The following OSBPL3 variants were observed in gnomAD, a reference collection of about 807,000 sequenced individuals.
OSBPL3 encodes the protein oxysterol-binding protein-related protein 3.
OSBPL3 carries 65 observed loss-of-function variants against 120.1 expected under a neutral mutation model. The observed-to-expected ratio is 0.54, with a 90% CI of 0.44 to 0.67. The LOEUF (loss-of-function observed/expected upper bound fraction) is 0.67, where lower values mean the gene tolerates loss of function less well. Ranked by LOEUF, OSBPL3 falls within the 30% of genes least tolerant of loss-of-function variation. The pLI is 0.00. For synonymous variants in OSBPL3, 416 were observed against 402.6 expected (o/e 1.03, Z -0.40); for missense variants, 1,004 against 1,082.1 (o/e 0.93, Z 1.01).
chr7:24,842,426 C>A lies in OSBPL3; in HGVS notation c.1267-13G>T, dbSNP rs1406939906. 4 of 1,576,374 alleles carry A rather than the reference C, an allele frequency of 2.5e-6. No homozygotes were observed. In the Admixed American group the frequency reaches 5.8e-5, roughly 23 times the overall value. On this transcript the variant is annotated splice_polypyrimidine_tract_variant and intron_variant, in intron 12 of 22. Transcript: ENST00000313367. ...CTCTGGAGTTTTCCTATTTGAAGAA[C>A]AAAACCAAAAATGTATACATTTAAA...
chr7:24,894,029 ACATAGTC>A lies in OSBPL3; in HGVS notation c.-149-1415_-149-1409del. On this transcript the variant is annotated intron_variant, in intron 1 of 22. Transcript: ENST00000313367. The surrounding 1 kb of genome is among the most constrained non-coding windows in gnomAD (Gnocchi z 4.1). ...CCAACCCATTCCATTATTAATGTTC[ACATAGTC>A]TAATTATAAAAAGAAGAGTATCATA... Among the ~76,000 whole-genome samples, 1 of 152,166 alleles carries A rather than the reference ACATAGTC, an allele frequency of 6.6e-6. No homozygotes were observed. The highest frequency in any genetic ancestry group is 1.5e-5 in the Non-Finnish European group (1 of 68,030).
chr7:24,816,547 C>T (rs1471016175), intron 18 of OSBPL3, 63 bp downstream of exon 18: 2 of 1,152,586 alleles, frequency 1.7e-6, no homozygotes, highest in South Asian at 1.2e-5. Context: ...GGCATCCTGT[C>T]CCCAAAGCAA....
At chr7:24,963,801 G>A (rs959788561) in intron 1 of OSBPL3, among the ~76,000 whole-genome samples, 11 of 152,130 alleles carry the variant, frequency 7.2e-5, no homozygotes, top group African/African-American at 2.4e-4. Context: ...TTTTCACCGT[G>A]GGTAGTAAAC....
intron 11 of OSBPL3, among the ~76,000 whole-genome samples, chr7:24,850,313 C>T (rs1220149205): frequency 6.6e-6 from 1 of 152,240 alleles, no homozygotes; most frequent in Non-Finnish European, 1.5e-5. Flanking sequence ...TCATGACCAA[C>T]TCTTCTCCAA....
intron 12 of OSBPL3, among the ~76,000 whole-genome samples, chr7:24,844,538 C>G (rs546011747): frequency 1.3e-5 from 2 of 152,180 alleles, no homozygotes; most frequent in Non-Finnish European, 2.9e-5. Flanking sequence ...ACATTCATAG[C>G]TCACACTATA....
Position 24,852,661 on chromosome 7 carries a change from G to A in OSBPL3, c.1028-27C>T. 1 of 1,445,384 alleles carries A rather than the reference G, an allele frequency of 6.9e-7. No homozygotes were observed. Among genetic ancestry groups the A allele is most frequent in the Non-Finnish European group, 9.3e-7 (1 of 1,074,056 alleles). 89.5% of individuals were successfully genotyped at this position (1,445,384 alleles called of 1,614,324 possible). On this transcript the variant is annotated intron_variant, in intron 10 of 22. Transcript: ENST00000313367. The surrounding 1 kb of genome is among the most constrained non-coding windows in gnomAD (Gnocchi z 4.1). ...TATAGAGATAGAATCATTATAAAAA[G>A]GAATAAGGAGGCATAATTAAAAACA...
intron 1 of OSBPL3, among the ~76,000 whole-genome samples, chr7:24,962,390 GGGGGA>G (rs1403430933): frequency 1.6e-5 from 2 of 127,454 alleles, no homozygotes; most frequent in African/African-American, 5.7e-5. Context: ...GAGAGGGGAG[GGGGGA>G]GGGGAGGGCA....
rs1434116470 is a variant in OSBPL3 at position 24,939,296 on chromosome 7, T to G, written c.-150+40590A>C. 3.3e-5 allele frequency among the ~76,000 whole-genome samples: 5 copies of G among 152,192 alleles called. No homozygotes were observed. Among genetic ancestry groups the G allele is most frequent in the Non-Finnish European group, 7.3e-5 (5 of 68,032 alleles). ...TGCCCAGTAGCCATTCTCCTGTGCT[T>G]CTTTGTGGCTGACAAGAATTCCAAT... On this transcript the variant is annotated intron_variant, in intron 1 of 22. Coordinates refer to ENST00000313367, the MANE Select transcript of OSBPL3 (RefSeq NM_015550.4). The surrounding 1 kb of genome is among the most constrained non-coding windows in gnomAD (Gnocchi z 4.2).
chr7:24,840,820 A>G, intron 13 of OSBPL3, 37 bp from the exon 14 acceptor site: 1 of 951,336 alleles, frequency 1.1e-6, no homozygotes, highest in Non-Finnish European at 1.6e-6. Flanking sequence ...TTAGAGTTAG[A>G]ATAAACAAGA....
intron 19 of OSBPL3, among the ~76,000 whole-genome samples, chr7:24,811,041 C>T (rs1793732709): frequency 6.6e-6 from 1 of 152,178 alleles, no homozygotes; most frequent in Non-Finnish European, 1.5e-5. Context: ...TGGATATACA[C>T]CCAGTAGTGG....
rs1796598889 is a variant in OSBPL3, at chr7:24,833,191, A to G, written c.1746+1295T>C. Among the ~76,000 whole-genome samples, 2 of 152,176 alleles carry G rather than the reference A, an allele frequency of 1.3e-5. No individual in the cohort carries two copies. Among genetic ancestry groups the G allele is most frequent in the African/African-American group, 4.8e-5 (2 of 41,436 alleles). ...CAGCTTGTTTTTGTCTCCTACCCTGATTATCAGTAACAAGAAAGAAAGTCT... is the reference window on the plus strand; with the variant it reads ...CAGCTTGTTTTTGTCTCCTACCCTGGTTATCAGTAACAAGAAAGAAAGTCT... On this transcript the variant is annotated intron_variant, in intron 15 of 22. Transcript: ENST00000313367. This position sits in a 1 kb window ranked among gnomAD's most constrained non-coding sequence, Gnocchi z 4.4.
intron 2 of OSBPL3, among the ~76,000 whole-genome samples, chr7:24,889,657 C>G (rs748496347): frequency 2.6e-5 from 4 of 152,004 alleles, no homozygotes; most frequent in Non-Finnish European, 5.9e-5. Context: ...GGATCAGAAC[C>G]AAATAGAAAT....
Position 24,918,457 on chromosome 7 carries a change from G to C in OSBPL3, c.-149-25836C>G, listed in dbSNP as rs928564203. Among the ~76,000 whole-genome samples the C allele has an allele frequency of 2.6e-5, 4 of 152,188 alleles. No individual in the cohort carries two copies. Among genetic ancestry groups the C allele is most frequent in the African/African-American group, 7.2e-5 (3 of 41,440 alleles). ...TATTTGGAAGAAAGAAGTGCCACTCGAGAGAGTTAAAACACTAAGTCAGCT... is the reference window on the plus strand; with the variant it reads ...TATTTGGAAGAAAGAAGTGCCACTCCAGAGAGTTAAAACACTAAGTCAGCT... On this transcript the variant is annotated intron_variant, in intron 1 of 22. Coordinates refer to ENST00000313367, the MANE Select transcript of OSBPL3 (RefSeq NM_015550.4). This position sits in a 1 kb window ranked among gnomAD's most constrained non-coding sequence, Gnocchi z 4.3.
At chr7:24,812,475 G>C (rs905345204) in intron 19 of OSBPL3, among the ~76,000 whole-genome samples, 7 of 152,138 alleles carry the variant, frequency 4.6e-5, no homozygotes, top group African/African-American at 1.7e-4. Context: ...GCCCAGCTCA[G>C]GCCAGTCCAG....
At chr7:24,810,190 A>T in intron 19 of OSBPL3, 1 of 465,696 alleles carries the variant, frequency 2.1e-6, no homozygotes, top group African/African-American at 2.0e-5. Context: ...CAAGCTGATT[A>T]ACATATGTAT....
intron 1 of OSBPL3, among the ~76,000 whole-genome samples, chr7:24,895,819 A>G (rs747000472): frequency 3.3e-5 from 5 of 152,222 alleles, no homozygotes; most frequent in African/African-American, 4.8e-5. Flanking sequence ...TGAATAATTT[A>G]AGGGCAAACA....
chr7:24,920,556 G>A (rs2128447410), intron 1 of OSBPL3, among the ~76,000 whole-genome samples: 1 of 152,260 alleles, frequency 6.6e-6, no homozygotes, highest in South Asian at 2.1e-4. Flanking sequence ...AGTGGTGATG[G>A]TAACATGACT....
intron 1 of OSBPL3, among the ~76,000 whole-genome samples, chr7:24,910,370 G>T (rs1237521892): frequency 6.6e-6 from 1 of 152,082 alleles, no homozygotes; most frequent in Admixed American, 6.5e-5. Flanking sequence ...AATCAGAAAT[G>T]GGCTGAGTTT....
At chr7:24,841,533 T>C (rs1797743844) in intron 13 of OSBPL3, among the ~76,000 whole-genome samples, 1 of 150,724 alleles carries the variant, frequency 6.6e-6, no homozygotes, top group South Asian at 2.1e-4. Flanking sequence ...CCATCTCTAC[T>C]AAAAATACAA....
Sources: allele counts gnomAD v4.1 joint callset (sites outside exome capture counted in the v4.1 genomes callset), GRCh38; gene constraint gnomAD v4.1.1; non-coding constraint Gnocchi (gnomAD v3.1); transcripts MANE v1.5; gene names NCBI Gene and HGNC (gene_info 2026-07-23, HGNC 2026-07-21).